Variants in GLI2 observed in about 807,000 individuals in gnomAD.
GLI2 encodes the protein transcription activator GLI2.
GLI2 carries 22 observed loss-of-function variants against 78.9 expected under a neutral mutation model. The observed-to-expected ratio is 0.28, with a 90% CI of 0.20 to 0.40. GLI2 has a LOEUF of 0.40. GLI2 is among the 10% of genes least tolerant of loss of function. The pLI is 1.00. For synonymous variants in GLI2, 974 were observed against 963.7 expected (o/e 1.01, Z -0.20); for missense variants, 2,097 against 2,213.2 (o/e 0.95, Z 1.05).
intron 2 of GLI2, among the ~76,000 whole-genome samples, chr2:120,904,854 A>G (rs569600481): frequency 2.0e-5 from 3 of 152,286 alleles, no homozygotes; most frequent in East Asian, 1.9e-4. Flanking sequence ...TCCCAACTCT[A>G]TTGGCCCCTG....
chr2:120,967,556 GT>G (rs1303452406), intron 5 of GLI2, among the ~76,000 whole-genome samples: 3 of 152,250 alleles, frequency 2.0e-5, no homozygotes, highest in African/African-American at 7.2e-5. Flanking sequence ...GGGTACTCTT[GT>G]CTGGGGCAAG....
chr2:120,830,615 C>T (rs13431429), intron 2 of GLI2, among the ~76,000 whole-genome samples: 24 of 152,208 alleles, frequency 1.6e-4, no homozygotes, highest in South Asian at 4.1e-4. Flanking sequence ...AGAGCAGGGA[C>T]GGGGCCTGTT....
chr2:120,791,850 G>A (rs184882442), intron 1 of GLI2, among the ~76,000 whole-genome samples: 72 of 152,260 alleles, frequency 4.7e-4, no homozygotes, highest in African/African-American at 1.6e-3. Context: ...TGTGGCCTGC[G>A]TGCAGGTGTA....
intron 2 of GLI2, among the ~76,000 whole-genome samples, chr2:120,858,700 T>G (rs188295897): frequency 7.2e-5 from 11 of 152,102 alleles, no homozygotes; most frequent in Non-Finnish European, 1.2e-4. Context: ...CAGGAAATGG[T>G]GGAGGTGAGC....
chr2:120,831,215 C>G (rs148391795), intron 2 of GLI2, among the ~76,000 whole-genome samples: 4 of 152,164 alleles, frequency 2.6e-5, no homozygotes, highest in African/African-American at 9.7e-5. Context: ...GGCCCTGTCC[C>G]GATGCCTGGC....
intron 2 of GLI2, among the ~76,000 whole-genome samples, chr2:120,919,391 G>A (rs1252767419): frequency 1.3e-5 from 2 of 152,222 alleles, no homozygotes; most frequent in East Asian, 1.9e-4. Context: ...CACTCCTCAC[G>A]TAAGAGTGCC....
chr2:120,949,784 G>C (rs1282144020), intron 3 of GLI2, among the ~76,000 whole-genome samples: 1 of 152,222 alleles, frequency 6.6e-6, no homozygotes, highest in South Asian at 2.1e-4. Context: ...GGCCTCCCAG[G>C]GGGGTGTTTG....
intron 2 of GLI2, among the ~76,000 whole-genome samples, chr2:120,874,670 C>T (rs186281897): frequency 5.3e-5 from 8 of 152,296 alleles, no homozygotes; most frequent in East Asian, 1.9e-4. Flanking sequence ...AAATATAGCA[C>T]GCTAATGAGG....
chr2:120,922,103 T>C (rs966975945), intron 2 of GLI2, among the ~76,000 whole-genome samples: 1 of 152,168 alleles, frequency 6.6e-6, no homozygotes, highest in African/African-American at 2.4e-5. Context: ...CACTGGGCCA[T>C]GGTGTGGGCT....
In GLI2 at chr2:120,791,961, G is replaced by T. The variant is rs183191701; in HGVS notation, c.-30-5330G>T. Among the ~76,000 whole-genome samples the T allele has an allele frequency of 1.3e-4, 20 of 152,258 alleles. No homozygotes were observed. The East Asian group carries it at 3.7e-3, about 28-fold the overall frequency. On this transcript the variant is annotated intron_variant, in intron 1 of 13. Transcript: ENST00000361492. ...TGTGTGCATCCATGTGTGCCTATGC[G>T]TGTGGGTCCTGGGCACGCATGCCGC...
chr2:120,924,101 G>T (rs541328370), intron 2 of GLI2, among the ~76,000 whole-genome samples: 1 of 152,202 alleles, frequency 6.6e-6, no homozygotes, highest in African/African-American at 2.4e-5. Context: ...GCCTCTGGAG[G>T]AGCAAGACCA....
In GLI2 at chr2:120,988,859, C is replaced by A. The variant is rs770249989; in HGVS notation, c.2894C>A (p.Pro965Gln). Residue 965 changes from proline to glutamine, a missense_variant, in exon 14 of 14, where the codon CCG becomes CAG. Pro to Gln is a moderately conservative substitution (Grantham distance 76). This residue lies in a region of GLI2 where 1,290 missense variants were observed against 1,261.7 expected (regional missense o/e 1.02). Coordinates refer to ENST00000361492, the MANE Select transcript of GLI2 (RefSeq NM_001374353.1). ...PVRRPDALSL[P>Q]RVQRFHSTHN... is the part of the protein sequence containing the mutation. ...CGGCGGCCCGATGCCCTGTCCCTGCCGCGGGTGCAGCGCTTCCACAGCACC... is the reference window on the plus strand; with the variant it reads ...CGGCGGCCCGATGCCCTGTCCCTGCAGCGGGTGCAGCGCTTCCACAGCACC... The A allele has an allele frequency of 2.7e-6, 4 of 1,493,196 alleles. No homozygotes were observed. In the South Asian group the frequency reaches 3.6e-5, roughly 14 times the overall value. 92.5% of individuals were successfully genotyped at this position (1,493,196 alleles called of 1,614,324 possible). A position where few individuals can be genotyped will look rare whatever the true frequency, so the allele number is the denominator to read the frequency against.
intron 1 of GLI2, among the ~76,000 whole-genome samples, chr2:120,778,363 A>G (rs1375040567): frequency 1.3e-5 from 2 of 152,112 alleles, no homozygotes; most frequent in Admixed American, 1.3e-4. Context: ...CCTGTGACTC[A>G]GAGTGCTCCC....
At chr2:120,927,237 T>C (rs756966185) in intron 2 of GLI2, 124 bp from the exon 3 acceptor site, 10 of 788,952 alleles carry the variant, frequency 1.3e-5, no homozygotes, top group South Asian at 8.1e-5. Flanking sequence ...GCGCGGGCAC[T>C]GCGGAGCCCC....
intron 2 of GLI2, among the ~76,000 whole-genome samples, chr2:120,846,896 A>G (rs145135216): frequency 1.0e-3 from 154 of 152,360 alleles, no homozygotes; most frequent in East Asian, 6.2e-3. Context: ...GGCCTTGCAC[A>G]GCGCGGGCAC....
chr2:120,835,385 C>CTTT lies in GLI2; in HGVS notation c.148+37932_148+37934dup, dbSNP rs544747953. Among the ~76,000 whole-genome samples, 285 of 132,374 alleles carry CTTT rather than the reference C, an allele frequency of 2.2e-3. 3 individuals are homozygous for CTTT. The highest frequency in any genetic ancestry group is 7.6e-3 in the African/African-American group (267 of 35,000). The allele number at this position is 132,374 out of a possible 152,430, so 86.8% of individuals were successfully genotyped here. On this transcript the variant is annotated intron_variant, in intron 2 of 13. Transcript: ENST00000361492. The stretch of plus-strand genomic sequence containing the variant: ...GCCCCAGCCAGTCACAGGCACCAGA[C>CTTT]TTTTTTTTTTTTTTTTTGGAGACAG...
chr2:120,925,343 G>A (rs1010643087), intron 2 of GLI2, among the ~76,000 whole-genome samples: 4 of 152,204 alleles, frequency 2.6e-5, no homozygotes, highest in African/African-American at 9.7e-5. Context: ...AGTTGAACAT[G>A]TAAAAATTAA....
intron 1 of GLI2, among the ~76,000 whole-genome samples, chr2:120,769,743 G>T (rs1272618826): frequency 6.6e-6 from 1 of 152,218 alleles, no homozygotes; most frequent in Non-Finnish European, 1.5e-5. Flanking sequence ...GCATTTGCTT[G>T]CGTCTGTATG....
At chr2:120,843,428 C>T (rs566271760) in intron 2 of GLI2, among the ~76,000 whole-genome samples, 5 of 152,246 alleles carry the variant, frequency 3.3e-5, no homozygotes, top group African/African-American at 1.2e-4. Context: ...TCTATACTTA[C>T]AGCTGTACCC....
Sources: allele counts gnomAD v4.1 joint callset (sites outside exome capture counted in the v4.1 genomes callset), GRCh38; gene constraint gnomAD v4.1.1; regional missense constraint gnomAD v4.1.1; transcripts MANE v1.5; gene names NCBI Gene and HGNC (gene_info 2026-07-23, HGNC 2026-07-21).